Variants in RUVBL1 observed in about 807,000 individuals in gnomAD.
The protein encoded by RUVBL1 is ruvB-like 1.
RUVBL1 carries 4 observed loss-of-function variants against 52.4 expected under a neutral mutation model. That is an observed-to-expected ratio of 0.08 (90% CI 0.04 to 0.17). The LOEUF (loss-of-function observed/expected upper bound fraction) is 0.17, where lower values mean the gene tolerates loss of function less well. RUVBL1 is among the 10% of genes least tolerant of loss of function. The pLI, the probability that RUVBL1 is intolerant of heterozygous loss-of-function variation, is 1.00. For synonymous variants in RUVBL1, 217 were observed against 214.4 expected (o/e 1.01, Z -0.10); for missense variants, 298 against 572.8 (o/e 0.52, Z 4.90).
chr3:128,120,330 C>T (rs1357996121), intron 1 of RUVBL1, among the ~76,000 whole-genome samples: 1 of 152,108 alleles, frequency 6.6e-6, no homozygotes, highest in East Asian at 1.9e-4. Flanking sequence ...ACTATTAGAT[C>T]CATTGAATAT....
intron 8 of RUVBL1, among the ~76,000 whole-genome samples, chr3:128,089,804 G>A (rs150784826): frequency 2.6e-4 from 39 of 149,766 alleles, no homozygotes; most frequent in African/African-American, 7.6e-4. Context: ...CAGCTACTCC[G>A]GAAGCTAAGG....
rs1270865826 is a variant in RUVBL1, at chr3:128,119,384, T to C, written c.172A>G (p.Ser58Gly). ...ACGVIVELIKSKKMAGRAVLL... is the reference protein window; with the variant it reads ...ACGVIVELIKGKKMAGRAVLL... The stretch of plus-strand genomic sequence containing the variant: ...ACAGCTCTTCCAGCCATTTTCTTGC[T>C]TTTGATTAATTCTACTATGACGCCA... Residue 58 changes from serine to glycine, a missense_variant, in exon 2 of 11, where the codon AGC becomes GGC. Coordinates refer to ENST00000322623, the MANE Select transcript of RUVBL1 (RefSeq NM_003707.3). 3 of 1,614,072 alleles carry C rather than the reference T, an allele frequency of 1.9e-6. No homozygotes were observed. The Admixed American group carries it at 5.0e-5, about 27-fold the overall frequency.
At position 128,068,076 on chromosome 3, in the gene RUVBL1, G is replaced by C; in HGVS notation, c.940-2856C>G. 6.2e-7 allele frequency: 1 copy of C among 1,608,680 alleles called. No homozygotes were observed. Among genetic ancestry groups the C allele is most frequent in the Non-Finnish European group, 8.5e-7 (1 of 1,175,430 alleles). On this transcript the variant is annotated intron_variant, in intron 9 of 9. Transcript: ENST00000464873. The stretch of plus-strand genomic sequence containing the variant: ...ACTCAACCGGTGAGTGGTGGCCCCA[G>C]GTCCCCAACCTCCCGTCTGTGGACA...
At chr3:128,097,542 G>T in intron 7 of RUVBL1, 44 bp from the exon 8 acceptor site, 1 of 1,564,536 alleles carries the variant, frequency 6.4e-7, no homozygotes, top group Non-Finnish European at 8.8e-7. Flanking sequence ...CACAGGGCTG[G>T]GGGAGACTAT....
exon 10 of RUVBL1, chr3:128,064,851 A>T (rs1162256856): frequency 2.6e-6 from 4 of 1,561,448 alleles, no homozygotes; most frequent in Non-Finnish European, 3.5e-6. Context: ...TCGTTCCTTC[A>T]TATATGTCTC....
At chr3:128,084,642 C>T (rs1041230164) in intron 9 of RUVBL1, 1 of 152,154 alleles carries the variant, frequency 6.6e-6, no homozygotes, top group African/African-American at 2.4e-5. Context: ...ATCGTGAAAG[C>T]GTCTGTCTCA....
In RUVBL1 at chr3:128,092,912, C is replaced by G. The variant is rs1393559210; in HGVS notation, c.1016+4388G>C. Among the ~76,000 whole-genome samples the G allele has an allele frequency of 2.0e-5, 3 of 152,038 alleles. No homozygotes were observed. The East Asian group carries it at 5.8e-4, about 29-fold the overall frequency. ...TGTACATAGGCCAGGTGTGGTAGCT[C>G]ACAGTAATCCTAGCAGTTTGGGAGG... is the stretch of plus-strand genomic sequence containing the variant. On this transcript the variant is annotated intron_variant, in intron 8 of 10. Transcript: ENST00000322623.
At chr3:128,106,628 A>G (rs1321364743) in intron 3 of RUVBL1, among the ~76,000 whole-genome samples, 1 of 152,244 alleles carries the variant, frequency 6.6e-6, no homozygotes. Flanking sequence ...ATAGGCAGGT[A>G]GAGTGAATGG....
chr3:128,126,869 G>A (rs1357609472), upstream of RUVBL1, among the ~76,000 whole-genome samples: 2 of 152,222 alleles, frequency 1.3e-5, no homozygotes, highest in African/African-American at 4.8e-5. Flanking sequence ...TTCAGGAAAT[G>A]ACCGTTCTCC....
intron 9 of RUVBL1, among the ~76,000 whole-genome samples, chr3:128,087,376 C>G (rs574971157): frequency 1.6e-4 from 24 of 152,348 alleles, no homozygotes; most frequent in African/African-American, 5.3e-4. Context: ...TTTTATAGAG[C>G]TGGTAGCCTC....
chr3:128,107,678 A>T (rs78424499), intron 3 of RUVBL1, among the ~76,000 whole-genome samples: 2,055 of 152,340 alleles, frequency 0.013, 52 homozygotes, highest in African/African-American at 0.046. Flanking sequence ...TAGCCCCAAA[A>T]GAGAGGACCC....
At chr3:128,077,040 A>G (rs1376313635), downstream of RUVBL1, among the ~76,000 whole-genome samples, 1 of 150,856 alleles carries the variant, frequency 6.6e-6, no homozygotes, top group Non-Finnish European at 1.5e-5. Flanking sequence ...GCGGCGGCCC[A>G]GCCGCCGCCC....
chr3:128,081,917 G>A lies in RUVBL1; in HGVS notation c.1212-508C>T, dbSNP rs1942486743. ...GACTCAAGGGATGTAGGGAAGGGCTGAGGACTGTGAAGCAATGATTTTACA... is the reference window on the plus strand; with the variant it reads ...GACTCAAGGGATGTAGGGAAGGGCTAAGGACTGTGAAGCAATGATTTTACA... On this transcript the variant is annotated intron_variant, in intron 10 of 10. Transcript: ENST00000322623. The surrounding 1 kb of genome is among the most constrained non-coding windows in gnomAD (Gnocchi z 4.8). 6.1e-6 allele frequency: 1 copy of A among 164,884 alleles called. No homozygotes were observed. Among genetic ancestry groups the A allele is most frequent in the African/African-American group, 2.4e-5 (1 of 41,568 alleles). 10.2% of individuals were successfully genotyped at this position (164,884 alleles called of 1,614,324 possible). A position where few individuals can be genotyped will look rare whatever the true frequency, so the allele number is the denominator to read the frequency against.
chr3:128,100,715 T>C lies in RUVBL1; in HGVS notation c.633A>G (p.Thr211=). 1 of 1,613,774 alleles carries C rather than the reference T, an allele frequency of 6.2e-7. No homozygotes were observed. The highest frequency in any genetic ancestry group is 8.5e-7 in the Non-Finnish European group (1 of 1,179,934). ...ACTCTTCAGCTTCAAGGTCGAATTC[T>C]GTGGCATAGGTATCACACCTGCCCT... ...KRQGRCDTYA[T]EFDLEAEEYV... is the part of the protein sequence containing the mutation. The change falls in exon 6 of 11, where the codon ACA becomes ACG. Residue 211 remains threonine, a synonymous_variant. Coordinates refer to ENST00000322623, the MANE Select transcript of RUVBL1 (RefSeq NM_003707.3).
chr3:128,133,952 G>A (rs909216329), intron 1 of RUVBL1, among the ~76,000 whole-genome samples: 1 of 152,162 alleles, frequency 6.6e-6, no homozygotes, highest in Non-Finnish European at 1.5e-5. Context: ...TGACCTTTTA[G>A]ACAGACAATT....
intron 9 of RUVBL1, chr3:128,084,135 A>T (rs921877245): frequency 1.3e-5 from 2 of 152,390 alleles, no homozygotes; most frequent in African/African-American, 4.8e-5. Flanking sequence ...AACTTGTTCA[A>T]ACATTTCACA....
intron 4 of RUVBL1, among the ~76,000 whole-genome samples, chr3:128,101,998 T>C (rs1943118512): frequency 6.6e-6 from 1 of 152,214 alleles, no homozygotes; most frequent in Admixed American, 6.5e-5. Context: ...CTGGCTGCCG[T>C]GAGACGGGTG....
chr3:128,129,089 C>T (rs918975177), intron 1 of RUVBL1, among the ~76,000 whole-genome samples: 6 of 152,158 alleles, frequency 3.9e-5, no homozygotes, highest in Admixed American at 1.3e-4. Flanking sequence ...CCCCCTTTCC[C>T]TTCCCAGGCT....
chr3:128,106,369 T>C (rs944581288), intron 3 of RUVBL1, among the ~76,000 whole-genome samples: 12 of 152,246 alleles, frequency 7.9e-5, no homozygotes, highest in African/African-American at 2.9e-4. Flanking sequence ...TCTATGTTCA[T>C]TACATGCTTT....
Sources: gnomAD v4.1 joint callset for allele counts (sites outside exome capture counted in the v4.1 genomes callset) on GRCh38, gnomAD v4.1.1 for gene constraint, Gnocchi (gnomAD v3.1) non-coding constraint, MANE v1.5 for transcripts, NCBI Gene and HGNC (gene_info 2026-07-23, HGNC 2026-07-21) for gene names.